MPP7: variants seen among roughly 807,000 people sequenced by gnomAD.
MPP7 encodes the protein MAGUK p55 scaffold protein 7.
MPP7 carries 60 observed loss-of-function variants against 76.5 expected under a neutral mutation model. The observed-to-expected ratio is 0.78, with a 90% confidence interval of 0.64 to 0.97. The LOEUF (loss-of-function observed/expected upper bound fraction) is 0.97, where lower values mean the gene tolerates loss of function less well. MPP7 is among the 50% of genes least tolerant of loss of function. The probability of loss-of-function intolerance (pLI) is 0.00; values close to 1 mark genes in which losing one functional copy is unlikely to be tolerated. For missense variants in MPP7, 641 were observed against 694.0 expected, an observed-to-expected ratio of 0.92 and a Z score of 0.86; for synonymous variants, 237 against 244.5, an observed-to-expected ratio of 0.97 and a Z score of 0.29.
intron 1 of MPP7, among the ~76,000 whole-genome samples, chr10:28,267,065 C>A (rs895231835): frequency 7.2e-5 from 11 of 152,148 alleles, no homozygotes; most frequent in Admixed American, 3.3e-4. Flanking sequence ...GTTCGGGGGC[C>A]TAAAAACTAC....
intron 2 of MPP7, among the ~76,000 whole-genome samples, chr10:28,310,251 A>C (rs1337798082): frequency 6.6e-6 from 1 of 151,970 alleles, no homozygotes; most frequent in Non-Finnish European, 1.5e-5. Flanking sequence ...AGCAGCCCAC[A>C]TCGGCCTCCC....
intron 3 of MPP7, among the ~76,000 whole-genome samples, chr10:28,197,781 C>T (rs1837636929): frequency 1.3e-5 from 2 of 152,126 alleles, no homozygotes; most frequent in Admixed American, 6.5e-5. Context: ...ATCAGTCCAT[C>T]AAAACTCAAA....
At chr10:28,251,223 G>A (rs968617463) in intron 1 of MPP7, among the ~76,000 whole-genome samples, 5 of 152,178 alleles carry the variant, frequency 3.3e-5, no homozygotes, top group Non-Finnish European at 7.3e-5. Context: ...CCAGCACTTC[G>A]GGAGGCCGAG....
At chr10:28,232,686 A>C (rs1838929487) in intron 2 of MPP7, among the ~76,000 whole-genome samples, 1 of 152,228 alleles carries the variant, frequency 6.6e-6, no homozygotes, top group Non-Finnish European at 1.5e-5. Flanking sequence ...CAACCAGCAA[A>C]ATTAAACCAC....
intron 1 of MPP7, among the ~76,000 whole-genome samples, chr10:28,247,934 T>C (rs1226788681): frequency 3.9e-5 from 6 of 152,182 alleles, no homozygotes; most frequent in African/African-American, 9.6e-5. Flanking sequence ...CTGGAATCTA[T>C]TGAGTATACT....
At chr10:28,262,252 T>C (rs1318706716) in intron 1 of MPP7, among the ~76,000 whole-genome samples, 2 of 54,730 alleles carry the variant, frequency 3.7e-5, no homozygotes, top group Non-Finnish European at 5.6e-5. Context: ...TACATATATA[T>C]ATATATGTAT....
intron 2 of MPP7, 89 bp from the exon 3 acceptor site, chr10:28,202,360 G>T: frequency 2.4e-6 from 2 of 823,294 alleles, no homozygotes; most frequent in Non-Finnish European, 1.9e-6. Flanking sequence ...GCTGGAACAT[G>T]CCAATTTTAC....
chr10:28,319,099 G>A (rs1834343999), intron 2 of MPP7, among the ~76,000 whole-genome samples: 1 of 152,210 alleles, frequency 6.6e-6, no homozygotes, highest in African/African-American at 2.4e-5. Context: ...CATGGCTGAG[G>A]AGACCTCAGA....
At chr10:28,216,302 T>C (rs1372666136) in intron 2 of MPP7, among the ~76,000 whole-genome samples, 1 of 152,074 alleles carries the variant, frequency 6.6e-6, no homozygotes, top group Non-Finnish European at 1.5e-5. Flanking sequence ...GGCGACACAG[T>C]GACACCTTGT....
intron 1 of MPP7, among the ~76,000 whole-genome samples, chr10:28,244,630 G>GA (rs1263453802): frequency 4.6e-5 from 7 of 152,136 alleles, no homozygotes; most frequent in African/African-American, 1.7e-4. Context: ...TGAAGCAACA[G>GA]AAAAGAAGAA....
At chr10:28,126,298 T>C (rs1345404051) in intron 6 of MPP7, among the ~76,000 whole-genome samples, 1 of 152,228 alleles carries the variant, frequency 6.6e-6, no homozygotes, top group Non-Finnish European at 1.5e-5. Flanking sequence ...TTTCAATTTC[T>C]AACTTGTTTC....
chr10:28,245,891 G>GA (rs60004697), intron 1 of MPP7, among the ~76,000 whole-genome samples: 29,404 of 146,820 alleles, frequency 0.2, 3,318 homozygotes, highest in East Asian at 0.51. Context: ...TGATCAAGCA[G>GA]AAAAAAAAAA....
At chr10:28,320,379 T>C (rs775862193) in intron 2 of MPP7, among the ~76,000 whole-genome samples, 2 of 150,062 alleles carry the variant, frequency 1.3e-5, no homozygotes, top group African/African-American at 2.5e-5. Context: ...TGGACCAGAT[T>C]CTAAAATCAA....
At chr10:28,101,174 C>T (rs953202079) in intron 11 of MPP7, among the ~76,000 whole-genome samples, 5 of 152,092 alleles carry the variant, frequency 3.3e-5, no homozygotes, top group African/African-American at 1.2e-4. Flanking sequence ...TGAGATTATG[C>T]AGCGTTCTTT....
rs1264212600 is a variant in MPP7 at position 28,094,360 on chromosome 10, G to A, written c.953-4519C>T. Among the ~76,000 whole-genome samples, 8 of 152,098 alleles carry A rather than the reference G, an allele frequency of 5.3e-5. No individual in the cohort carries two copies. The East Asian group carries it at 1.5e-3, about 29-fold the overall frequency. On this transcript the variant is annotated intron_variant, in intron 11 of 16. Transcript: ENST00000683449. ...GATTGTTACCAAGCAGAGGCTGGCA[G>A]AGGATCCGGACCAGTACCTAGGCTC...
intron 12 of MPP7, among the ~76,000 whole-genome samples, chr10:28,079,470 T>A (rs756783630): frequency 4.6e-5 from 7 of 151,660 alleles, no homozygotes; most frequent in Non-Finnish European, 8.8e-5. Context: ...CTGGGCAACA[T>A]AGCAAGATCC....
intron 3 of MPP7, among the ~76,000 whole-genome samples, chr10:28,154,736 T>G (rs1835993210): frequency 7.8e-6 from 1 of 127,766 alleles, no homozygotes; most frequent in Non-Finnish European, 1.6e-5. Flanking sequence ...AAATCTGAGT[T>G]AGTTGGGGTG....
chr10:28,116,823 A>G (rs1383659509), intron 11 of MPP7, among the ~76,000 whole-genome samples: 2 of 152,130 alleles, frequency 1.3e-5, no homozygotes, highest in African/African-American at 4.8e-5. Flanking sequence ...AGATACACAA[A>G]GATTCTTTAG....
intron 1 of MPP7, among the ~76,000 whole-genome samples, chr10:28,285,834 G>A (rs1235282937): frequency 6.6e-6 from 1 of 151,784 alleles, no homozygotes; most frequent in East Asian, 1.9e-4. Flanking sequence ...CATTACAACA[G>A]GTGGTAGCCT....
Sources: gnomAD v4.1 joint callset for allele counts (sites outside exome capture counted in the v4.1 genomes callset) on GRCh38, gnomAD v4.1.1 for gene constraint, MANE v1.5 for transcripts, NCBI Gene and HGNC (gene_info 2026-07-23, HGNC 2026-07-21) for gene names.